FAT3: variants seen among roughly 807,000 people sequenced by gnomAD.
FAT3 encodes the protein protocadherin Fat 3.
A neutral mutation model predicts 310.2 loss-of-function variants in FAT3; 95 were observed. The observed-to-expected ratio is 0.31, with a 90% CI of 0.26 to 0.36. FAT3 has a LOEUF of 0.36. FAT3 is among the 10% of genes least tolerant of loss of function. FAT3 has a pLI of 1.00. For synonymous variants in FAT3, 2,314 were observed against 2,192.9 expected, an observed-to-expected ratio of 1.06 and a Z score of -1.54; for missense variants, 5,408 against 5,715.6, an observed-to-expected ratio of 0.95 and a Z score of 1.74.
chr11:92,248,370 C>A (rs1269192984), intron 1 of FAT3, among the ~76,000 whole-genome samples: 5 of 151,964 alleles, frequency 3.3e-5, no homozygotes, highest in Non-Finnish European at 7.4e-5. Context: ...ATGGCATTAC[C>A]CTCTGCATAC....
chr11:92,291,123 G>GCA (rs1391202263), intron 1 of FAT3, among the ~76,000 whole-genome samples: 5 of 144,304 alleles, frequency 3.5e-5, no homozygotes, highest in Non-Finnish European at 6.1e-5. Context: ...ACACATGCAC[G>GCA]CGCGCAGAAG....
At chr11:92,487,606 AT>A (rs1952456448) in intron 2 of FAT3, among the ~76,000 whole-genome samples, 1 of 152,210 alleles carries the variant, frequency 6.6e-6, no homozygotes, top group African/African-American at 2.4e-5. Flanking sequence ...TTGCCATAAT[AT>A]ATTGATAGAT....
intron 2 of FAT3, among the ~76,000 whole-genome samples, chr11:92,508,672 G>A (rs1016514982): frequency 6.6e-6 from 1 of 152,140 alleles, no homozygotes; most frequent in Non-Finnish European, 1.5e-5. Context: ...ATTTGCCCAA[G>A]TCATTTCACT....
At chr11:92,620,092 T>G (rs2135664710) in intron 3 of FAT3, among the ~76,000 whole-genome samples, 1 of 152,328 alleles carries the variant, frequency 6.6e-6, no homozygotes, top group South Asian at 2.1e-4. Flanking sequence ...CTCTTAGTAT[T>G]TCTACCTACA....
intron 1 of FAT3, among the ~76,000 whole-genome samples, chr11:92,281,313 T>C (rs1054070773): frequency 7.9e-5 from 12 of 152,200 alleles, no homozygotes; most frequent in African/African-American, 2.9e-4. Context: ...GATAGGATTA[T>C]AGGTGATTTT....
chr11:92,505,169 C>T (rs1953061255), intron 2 of FAT3, among the ~76,000 whole-genome samples: 1 of 152,086 alleles, frequency 6.6e-6, no homozygotes, highest in South Asian at 2.1e-4. Context: ...TGTGTGCCTA[C>T]TAGAGACTGT....
intron 4 of FAT3, among the ~76,000 whole-genome samples, chr11:92,716,988 T>A: frequency 9.2e-6 from 1 of 108,584 alleles, no homozygotes; most frequent in Admixed American, 8.9e-5. Context: ...ATATATTTGC[T>A]GAATGATCTA....
chr11:92,447,215 A>ATGTGTGTGTGTG (rs369295353), intron 2 of FAT3, among the ~76,000 whole-genome samples: 8 of 123,010 alleles, frequency 6.5e-5, no homozygotes, highest in African/African-American at 2.4e-4. Context: ...GTGTATGTAT[A>ATGTGTGTGTGTG]TGTGTGCGTG....
In FAT3 at chr11:92,522,498, G is replaced by A. The variant is rs79785153; in HGVS notation, c.3293-2136G>A. Among the ~76,000 whole-genome samples, 174 of 152,196 alleles carry A rather than the reference G, an allele frequency of 1.1e-3. 1 individual carries two copies. The East Asian group carries it at 0.024, about 21-fold the overall frequency. ...AAAACAGAGTAGCTTCTGGGTTGACGGTTCAGGGCCCAGCTGGCATGGCAG... is the reference window on the plus strand; with the variant it reads ...AAAACAGAGTAGCTTCTGGGTTGACAGTTCAGGGCCCAGCTGGCATGGCAG... On this transcript the variant is annotated intron_variant, in intron 2 of 27. Transcript: ENST00000525166.
rs562727032 is a variant in FAT3, at chr11:92,894,393, C to T, written c.*3280C>T. On this transcript the variant is annotated 3_prime_UTR_variant, in exon 28 of 28. Coordinates refer to ENST00000525166, the MANE Select transcript of FAT3 (RefSeq NM_001367949.2). ...TTTTGCATTTTTTTCTTCCCACAAA[C>T]ACTGGCTACTCTTTGTCCTACCCCC... 6.6e-6 allele frequency: 1 copy of T among 152,316 alleles called. No homozygotes were observed. Among genetic ancestry groups the T allele is most frequent in the East Asian group, 1.9e-4 (1 of 5,182 alleles). 9.4% of individuals were successfully genotyped at this position (152,316 alleles called of 1,614,324 possible).
At chr11:92,260,835 C>T (rs998544551) in intron 1 of FAT3, among the ~76,000 whole-genome samples, 5 of 152,042 alleles carry the variant, frequency 3.3e-5, no homozygotes, top group African/African-American at 9.6e-5. Flanking sequence ...ATACAAGAGT[C>T]GAGACAATTT....
At chr11:92,785,773 A>T (rs1416914642) in intron 7 of FAT3, among the ~76,000 whole-genome samples, 4 of 149,808 alleles carry the variant, frequency 2.7e-5, no homozygotes, top group Admixed American at 2.0e-4. Flanking sequence ...GTTTTCCTTT[A>T]TTAACCTGTC....
In FAT3 at chr11:92,882,925, G is replaced by A. The variant is rs1269364785; in HGVS notation, c.12469G>A (p.Gly4157Ser). Residue 4157 changes from glycine (G) to serine (S), a missense_variant, in exon 24 of 28, where the codon GGC (glycine) becomes AGC (serine). Gly to Ser is a moderately conservative substitution (Grantham distance 56). This residue lies in a region of FAT3 where 649 missense variants were observed against 666.2 expected (regional missense o/e 0.97). Coordinates refer to ENST00000525166, the MANE Select transcript of FAT3 (RefSeq NM_001367949.2). Reference protein sequence around the residue: ...HSYVGKEELIGIAVVLFVIFI... With the variant: ...HSYVGKEELISIAVVLFVIFI... ...CTACGTGGGGAAGGAGGAGCTCATC[G>A]GCATCGCCGTGGTCCTCTTCGTCAT... is the stretch of plus-strand genomic sequence containing the variant. 1 of 1,613,066 alleles carries A rather than the reference G, an allele frequency of 6.2e-7. No individual in the cohort carries two copies. The highest frequency in any genetic ancestry group is 8.5e-7 in the Non-Finnish European group (1 of 1,179,570).
At chr11:92,563,454 C>G (rs1463640572) in intron 3 of FAT3, among the ~76,000 whole-genome samples, 1 of 151,982 alleles carries the variant, frequency 6.6e-6, no homozygotes, top group African/African-American at 2.4e-5. Flanking sequence ...TCAGACACTA[C>G]CAGGTTATTC....
chr11:92,794,031 A>AAAAAAG (rs1175010044), intron 9 of FAT3, among the ~76,000 whole-genome samples: 2 of 152,186 alleles, frequency 1.3e-5, no homozygotes, highest in Admixed American at 6.5e-5. Flanking sequence ...GCTCTACTTA[A>AAAAAAG]AAAAAGAAAA....
intron 2 of FAT3, among the ~76,000 whole-genome samples, chr11:92,511,965 C>T (rs1953304679): frequency 6.6e-6 from 1 of 152,056 alleles, no homozygotes; most frequent in South Asian, 2.1e-4. Flanking sequence ...CTGTGAGGAG[C>T]ACAAGAACTT....
At chr11:92,639,906 A>G (rs1941896469) in intron 3 of FAT3, among the ~76,000 whole-genome samples, 1 of 152,152 alleles carries the variant, frequency 6.6e-6, no homozygotes, top group Non-Finnish European at 1.5e-5. Flanking sequence ...ACATTGGTTC[A>G]TGAGTTTGAT....
chr11:92,353,193 G>C lies in FAT3; in HGVS notation c.1081G>C (p.Ala361Pro), dbSNP rs1278001367. The change falls in exon 2 of 28, where the codon GCA (alanine) becomes CCA (proline). Residue 361 changes from alanine (A) to proline (P), a missense_variant. Physicochemically the swap from Ala to Pro is conservative, Grantham distance 27 (BLOSUM62 -1). This residue lies in a region of FAT3 where 4,588 missense variants were observed against 4,809.8 expected (regional missense o/e 0.95). Transcript: ENST00000525166. ...TCCTCAAAAATGTTCAGCATTAAAG[G>C]CAGTCTACATTGGCAACCCCACAAG... ...GSPQKCSALK[A>P]VYIGNPTRDT... 6 of 1,613,710 alleles carry C rather than the reference G, an allele frequency of 3.7e-6. No homozygotes were observed. The Admixed American group carries it at 1.0e-4, about 27-fold the overall frequency.
intron 2 of FAT3, among the ~76,000 whole-genome samples, chr11:92,363,506 T>A (rs1948931732): frequency 6.6e-6 from 1 of 152,244 alleles, no homozygotes; most frequent in African/African-American, 2.4e-5. Flanking sequence ...TCTTTCCAAC[T>A]TCTTTTTCCC....
Sources: gnomAD v4.1 joint callset for allele counts (sites outside exome capture counted in the v4.1 genomes callset) on GRCh38, gnomAD v4.1.1 for gene constraint, gnomAD v4.1.1 regional missense constraint, MANE v1.5 for transcripts, NCBI Gene and HGNC (gene_info 2026-07-23, HGNC 2026-07-21) for gene names.